Variants in TNNI3K observed in about 807,000 individuals in gnomAD.
The protein encoded by TNNI3K is serine/threonine-protein kinase TNNI3K.
TNNI3K carries 140 observed loss-of-function variants against 114.5 expected under a neutral mutation model. The ratio of observed to expected loss-of-function variants is 1.22; its 90% CI spans 1.07 to 1.41. TNNI3K has a LOEUF of 1.41. TNNI3K is among the 40% of genes most tolerant of loss of function. The pLI is 0.00. For synonymous variants in TNNI3K, 347 were observed against 347.5 expected, an observed-to-expected ratio of 1.00 and a Z score of 0.02; for missense variants, 1,125 against 1,007.6, an observed-to-expected ratio of 1.12 and a Z score of -1.58.
intron 23 of TNNI3K, 74 bp from the exon 24 acceptor site, chr1:74,540,160 G>T: frequency 6.6e-7 from 1 of 1,526,348 alleles, no homozygotes. Context: ...ATGTTGAGTG[G>T]AAAAATTCTG....
At chr1:74,416,070 G>A (rs1303641603) in intron 17 of TNNI3K, among the ~76,000 whole-genome samples, 3 of 152,172 alleles carry the variant, frequency 2.0e-5, no homozygotes, top group African/African-American at 7.2e-5. Flanking sequence ...TCAGTTCTGA[G>A]ATCTTTGGAG....
intron 4 of TNNI3K, among the ~76,000 whole-genome samples, chr1:74,254,796 G>C (rs1655171063): frequency 6.6e-6 from 1 of 152,138 alleles, no homozygotes; most frequent in African/African-American, 2.4e-5. Context: ...TGAAAGTAAA[G>C]TGGTGAAAGG....
At chr1:74,540,634 A>G (rs1476005342) in intron 24 of TNNI3K, among the ~76,000 whole-genome samples, 1 of 151,314 alleles carries the variant, frequency 6.6e-6, no homozygotes, top group East Asian at 1.9e-4. Context: ...CCTTCCTCTC[A>G]TGATATTCCG....
intron 23 of TNNI3K, among the ~76,000 whole-genome samples, chr1:74,536,185 C>A (rs1646658891): frequency 6.6e-6 from 1 of 152,040 alleles, no homozygotes; most frequent in Admixed American, 6.6e-5. Flanking sequence ...AGCACTTTTC[C>A]CATTCTTCTT....
chr1:74,409,614 C>G (rs1664787111), intron 17 of TNNI3K, among the ~76,000 whole-genome samples: 1 of 151,322 alleles, frequency 6.6e-6, no homozygotes, highest in Non-Finnish European at 1.5e-5. Context: ...CTGCCTCAAC[C>G]TCCCGAGTAG....
In TNNI3K at chr1:74,336,051, T is replaced by C; in HGVS notation, c.584T>C (p.Val195Ala). ...TTGAAATTTGGTGCTGATGTAAATG[T>C]AAGTGGTGAAGTTGGAGATAGACCC... ...LLLKFGADVNVSGEVGDRPLH... is the reference protein window; with the variant it reads ...LLLKFGADVNASGEVGDRPLH... The change falls in exon 7 of 25, where the codon GTA becomes GCA. Residue 195 changes from valine (V) to alanine (A), a missense_variant. Coordinates refer to ENST00000326637, the MANE Select transcript of TNNI3K (RefSeq NM_015978.3). The C allele has an allele frequency of 6.3e-7, 1 of 1,596,958 alleles. No homozygotes were observed. Among genetic ancestry groups the C allele is most frequent in the Admixed American group, 1.8e-5 (1 of 54,080 alleles).
intron 23 of TNNI3K, among the ~76,000 whole-genome samples, chr1:74,513,837 A>G (rs1157523441): frequency 6.6e-6 from 1 of 152,210 alleles, no homozygotes; most frequent in Non-Finnish European, 1.5e-5. Context: ...AGGAGACCTG[A>G]AAGCATATTT....
intron 5 of TNNI3K, among the ~76,000 whole-genome samples, chr1:74,288,817 G>C (rs1657486491): frequency 6.6e-6 from 1 of 151,978 alleles, no homozygotes; most frequent in Non-Finnish European, 1.5e-5. Context: ...TGATCATTAG[G>C]TTGGTTGTGG....
At chr1:74,291,929 T>A (rs1201884456) in intron 5 of TNNI3K, among the ~76,000 whole-genome samples, 1 of 151,494 alleles carries the variant, frequency 6.6e-6, no homozygotes, top group African/African-American at 2.4e-5. Flanking sequence ...TAATATACAA[T>A]ACTAATTCTG....
chr1:74,448,337 T>C (rs969523313), intron 20 of TNNI3K, among the ~76,000 whole-genome samples: 1 of 148,286 alleles, frequency 6.7e-6, no homozygotes, highest in African/African-American at 2.5e-5. Context: ...TTGCTGAAGT[T>C]GCTTATCAGC....
At chr1:74,523,318 T>C (rs1394700914) in intron 23 of TNNI3K, among the ~76,000 whole-genome samples, 4 of 152,264 alleles carry the variant, frequency 2.6e-5, no homozygotes, top group Admixed American at 2.6e-4. Context: ...TAAAGACATG[T>C]ATCATCAAAT....
chr1:74,467,836 C>T (rs1216275715), intron 21 of TNNI3K, among the ~76,000 whole-genome samples: 1 of 152,062 alleles, frequency 6.6e-6, no homozygotes. Context: ...GAATTAAAAT[C>T]TCTCAGATGG....
intron 11 of TNNI3K, among the ~76,000 whole-genome samples, chr1:74,362,979 A>G (rs993804674): frequency 6.6e-6 from 1 of 152,146 alleles, no homozygotes; most frequent in Non-Finnish European, 1.5e-5. Context: ...TTAGGCTAAT[A>G]ACATAGCGAC....
chr1:74,299,406 T>C (rs1658182889), intron 5 of TNNI3K, among the ~76,000 whole-genome samples: 1 of 81,784 alleles, frequency 1.2e-5, no homozygotes, highest in South Asian at 5.8e-4. Context: ...ATAAGTAGAT[T>C]AGAATCTTGA....
rs191799285 is a variant in TNNI3K, at chr1:74,324,703, G to A, written c.445-6747G>A. Among the ~76,000 whole-genome samples, 678 of 152,282 alleles carry A rather than the reference G, an allele frequency of 4.5e-3. 8 individuals carry two copies. Among genetic ancestry groups the A allele is most frequent in the African/African-American group, 0.016 (652 of 41,562 alleles). Reference sequence around the variant, plus strand: ...CAACCAGCACGTGGGGAGCAAGAGAGAGAAAGAGAGACCATTATGCTAAAG... The same window carrying A: ...CAACCAGCACGTGGGGAGCAAGAGAAAGAAAGAGAGACCATTATGCTAAAG... On this transcript the variant is annotated intron_variant, in intron 5 of 24. Coordinates refer to ENST00000326637, the MANE Select transcript of TNNI3K (RefSeq NM_015978.3).
intron 21 of TNNI3K, among the ~76,000 whole-genome samples, chr1:74,482,346 G>A (rs1209451361): frequency 2.6e-5 from 4 of 152,184 alleles, no homozygotes; most frequent in African/African-American, 9.7e-5. Context: ...ATGCAACAAT[G>A]TAGATGAGAA....
At chr1:74,485,553 C>T (rs1444342763) in intron 21 of TNNI3K, among the ~76,000 whole-genome samples, 2 of 152,122 alleles carry the variant, frequency 1.3e-5, no homozygotes, top group African/African-American at 4.8e-5. Context: ...ATGTAGAATA[C>T]CCTGTCCTTC....
intron 7 of TNNI3K, among the ~76,000 whole-genome samples, chr1:74,340,242 C>T (rs1174530218): frequency 6.6e-6 from 1 of 152,112 alleles, no homozygotes; most frequent in Admixed American, 6.6e-5. Flanking sequence ...TCACTATCTA[C>T]CTACTCTCTT....
chr1:74,500,012 T>C (rs1669527495), intron 23 of TNNI3K, among the ~76,000 whole-genome samples: 1 of 151,968 alleles, frequency 6.6e-6, no homozygotes, highest in African/African-American at 2.4e-5. Flanking sequence ...ATATGAGCTA[T>C]ATTTCTATTC....
Sources: gnomAD v4.1 joint callset for allele counts (sites outside exome capture counted in the v4.1 genomes callset) on GRCh38, gnomAD v4.1.1 for gene constraint, MANE v1.5 for transcripts, NCBI Gene and HGNC (gene_info 2026-07-23, HGNC 2026-07-21) for gene names.